PLPPR1: variants seen among roughly 807,000 people sequenced by gnomAD.
PLPPR1 encodes phospholipid phosphatase-related protein type 1.
A neutral mutation model predicts 33.1 loss-of-function variants in PLPPR1; 10 were observed. The ratio of observed to expected loss-of-function variants is 0.30; its 90% CI spans 0.19 to 0.51. PLPPR1 has a LOEUF of 0.51. Among genes scored for constraint, PLPPR1 ranks in the 20% least tolerant of loss-of-function variants. The pLI is 0.97. For synonymous variants in PLPPR1, 151 were observed against 151.0 expected (o/e 1.00, Z 0.00); for missense variants, 304 against 408.1 (o/e 0.74, Z 2.20).
At chr9:101,140,100 A>G (rs1831430067) in intron 1 of PLPPR1, among the ~76,000 whole-genome samples, 1 of 152,182 alleles carries the variant, frequency 6.6e-6, no homozygotes, top group Non-Finnish European at 1.5e-5. Flanking sequence ...ATGAGTACAA[A>G]AGGAACTAGA....
At chr9:101,047,090 G>A (rs1830160995) in intron 1 of PLPPR1, among the ~76,000 whole-genome samples, 1 of 152,182 alleles carries the variant, frequency 6.6e-6, no homozygotes, top group African/African-American at 2.4e-5. Flanking sequence ...TCACAATAGG[G>A]TTCGCACTCC....
intron 1 of PLPPR1, among the ~76,000 whole-genome samples, chr9:101,059,367 C>T (rs1234533791): frequency 1.3e-5 from 2 of 151,976 alleles, no homozygotes; most frequent in African/African-American, 4.8e-5. Context: ...GTGCATTACA[C>T]ACAATAAACT....
At position 101,089,483 on chromosome 9, in the gene PLPPR1, C is replaced by T. The variant is rs12338364; in HGVS notation, c.-46+60381C>T. ...TTAAGATGAAGATAGAAATCGCCCA[C>T]GCTTTCCTTTAATGCTTGTCATTGT... On this transcript the variant is annotated intron_variant, in intron 1 of 7. Transcript: ENST00000374874. Among the ~76,000 whole-genome samples the T allele has an allele frequency of 1.6e-3, 251 of 152,202 alleles. 1 individual carries two copies. Among genetic ancestry groups the T allele is most frequent in the Middle Eastern group, 0.01 (3 of 294 alleles).
chr9:101,101,771 G>T (rs931771996), intron 1 of PLPPR1, among the ~76,000 whole-genome samples: 3 of 152,048 alleles, frequency 2.0e-5, no homozygotes, highest in Non-Finnish European at 2.9e-5. Context: ...TTCTATAGAA[G>T]CTGATTCTCA....
intron 2 of PLPPR1, among the ~76,000 whole-genome samples, chr9:101,249,228 T>C (rs1469117931): frequency 2.0e-5 from 3 of 152,090 alleles, no homozygotes; most frequent in Admixed American, 1.3e-4. Flanking sequence ...GCCTCTTGTG[T>C]GCCTCTCTTC....
intron 1 of PLPPR1, among the ~76,000 whole-genome samples, chr9:101,038,461 C>A (rs1274464206): frequency 6.6e-6 from 1 of 152,128 alleles, no homozygotes; most frequent in African/African-American, 2.4e-5. Flanking sequence ...ATGGCAAAAG[C>A]TGTAAATTCT....
chr9:101,277,246 CTAATATTGGGGAGT>C (rs1454462630), intron 3 of PLPPR1, among the ~76,000 whole-genome samples: 2 of 152,180 alleles, frequency 1.3e-5, no homozygotes, highest in Non-Finnish European at 2.9e-5. Flanking sequence ...TACTTAGAGA[CTAATATTGGGGAGT>C]ATATAAAGAA....
chr9:101,313,008 C>T, intron 6 of PLPPR1, 34 bp downstream of exon 6: 2 of 1,597,694 alleles, frequency 1.3e-6, no homozygotes, highest in Non-Finnish European at 8.6e-7. Flanking sequence ...CCTTTTCCCC[C>T]TCTTCTACTC....
chr9:101,277,581 T>A (rs959192230), intron 3 of PLPPR1, among the ~76,000 whole-genome samples: 1 of 152,218 alleles, frequency 6.6e-6, no homozygotes, highest in Admixed American at 6.5e-5. Flanking sequence ...GAGCCCTCTC[T>A]TTTTGGCTCC....
At chr9:101,050,593 G>A (rs565948059) in intron 1 of PLPPR1, among the ~76,000 whole-genome samples, 18 of 152,178 alleles carry the variant, frequency 1.2e-4, no homozygotes, top group Non-Finnish European at 2.5e-4. Flanking sequence ...TTGTAAGGAC[G>A]TGTTTGAGTA....
chr9:101,246,093 TATATATATATATATATAGATAG>T (rs1827602468), intron 2 of PLPPR1, among the ~76,000 whole-genome samples: 1 of 101,872 alleles, frequency 9.8e-6, no homozygotes, highest in African/African-American at 4.5e-5. Context: ...TATATATATA[TATATATATATATATATAGATAG>T]ATAGATAGAT....
intron 1 of PLPPR1, among the ~76,000 whole-genome samples, chr9:101,057,197 C>G (rs1255401751): frequency 6.6e-6 from 1 of 152,102 alleles, no homozygotes; most frequent in South Asian, 2.1e-4. Flanking sequence ...TGAAATAATA[C>G]ATTACTAGCA....
At chr9:101,226,268 TC>T (rs1274239783) in intron 2 of PLPPR1, among the ~76,000 whole-genome samples, 3 of 151,788 alleles carry the variant, frequency 2.0e-5, no homozygotes, top group South Asian at 4.2e-4. Flanking sequence ...TTGATTCCCC[TC>T]CCCCCTCCTC....
At position 101,291,623 on chromosome 9, in the gene PLPPR1, C is replaced by T. The variant is rs113762485; in HGVS notation, c.385+5387C>T. Among the ~76,000 whole-genome samples the T allele has an allele frequency of 9.6e-3, 1,456 of 152,318 alleles. 22 individuals are homozygous for T. Among genetic ancestry groups the T allele is most frequent in the African/African-American group, 0.031 (1,302 of 41,580 alleles). On this transcript the variant is annotated intron_variant, in intron 4 of 7. Transcript: ENST00000374874. ...AGAGGAATGATCAGACAGCAGCATTCGCAGTTTACGAAAATCCGCTGTTCT... is the reference window on the plus strand; with the variant it reads ...AGAGGAATGATCAGACAGCAGCATTTGCAGTTTACGAAAATCCGCTGTTCT...
intron 4 of PLPPR1, among the ~76,000 whole-genome samples, chr9:101,290,915 G>A (rs1361130540): frequency 6.6e-6 from 1 of 152,226 alleles, no homozygotes; most frequent in Non-Finnish European, 1.5e-5. Context: ...TCTCACTAGG[G>A]AGTGCCAGAC....
chr9:101,249,688 T>C (rs140144397), intron 2 of PLPPR1, among the ~76,000 whole-genome samples: 76 of 152,222 alleles, frequency 5.0e-4, no homozygotes, highest in Middle Eastern at 3.4e-3. Flanking sequence ...ATGTGTGTCA[T>C]TGTCTGATCG....
At chr9:101,214,010 C>A (rs1826736992) in intron 2 of PLPPR1, among the ~76,000 whole-genome samples, 1 of 152,190 alleles carries the variant, frequency 6.6e-6, no homozygotes, top group Admixed American at 6.5e-5. Context: ...CAGTTCTGAT[C>A]TCTGAAGAGA....
At chr9:101,123,544 G>A (rs762777560) in intron 1 of PLPPR1, among the ~76,000 whole-genome samples, 1 of 152,138 alleles carries the variant, frequency 6.6e-6, no homozygotes, top group African/African-American at 2.4e-5. Context: ...GGGGGCCATT[G>A]TGATTGTGGA....
At chr9:101,249,677 A>T (rs1827681291) in intron 2 of PLPPR1, among the ~76,000 whole-genome samples, 1 of 152,110 alleles carries the variant, frequency 6.6e-6, no homozygotes, top group South Asian at 2.1e-4. Flanking sequence ...AAGATGGTCT[A>T]ATGTGTGTCA....
Sources: allele counts gnomAD v4.1 joint callset (sites outside exome capture counted in the v4.1 genomes callset), GRCh38; gene constraint gnomAD v4.1.1; transcripts MANE v1.5; gene names NCBI Gene and HGNC (gene_info 2026-07-23, HGNC 2026-07-21).